Variants in RCAN1 observed in about 807,000 individuals in gnomAD.
RCAN1 encodes the protein regulator of calcineurin 1.
RCAN1 carries 11 observed loss-of-function variants against 22.9 expected under a neutral mutation model. The observed-to-expected ratio is 0.48, with a 90% CI of 0.30 to 0.79. The LOEUF (loss-of-function observed/expected upper bound fraction) is 0.79. Among genes scored for constraint, RCAN1 ranks in the 30% least tolerant of loss-of-function variants. The pLI, the probability that RCAN1 is intolerant of heterozygous loss-of-function variation, is 0.06. For synonymous variants in RCAN1, 136 were observed against 142.3 expected (o/e 0.96, Z 0.32); for missense variants, 291 against 337.8 (o/e 0.86, Z 1.09).
At chr21:34,601,917 G>A (rs1274023282) in intron 1 of RCAN1, among the ~76,000 whole-genome samples, 1 of 151,598 alleles carries the variant, frequency 6.6e-6, no homozygotes, top group Non-Finnish European at 1.5e-5. Context: ...CACACTCACT[G>A]CACTCTCAGC....
At chr21:34,596,788 C>T (rs1988173383) in intron 1 of RCAN1, among the ~76,000 whole-genome samples, 1 of 152,198 alleles carries the variant, frequency 6.6e-6, no homozygotes, top group South Asian at 2.1e-4. Flanking sequence ...CTTGCGAGAA[C>T]CTTTGCACTG....
intron 1 of RCAN1, among the ~76,000 whole-genome samples, chr21:34,606,385 C>G (rs557128004): frequency 5.3e-5 from 8 of 152,302 alleles, no homozygotes; most frequent in African/African-American, 1.9e-4. Context: ...TCTTTACCTG[C>G]AACTGTCTTG....
intron 1 of RCAN1, among the ~76,000 whole-genome samples, chr21:34,600,951 A>G (rs1988317477): frequency 6.6e-6 from 1 of 152,218 alleles, no homozygotes; most frequent in East Asian, 1.9e-4. Context: ...TGTGTTCACA[A>G]ACACACATGC....
chr21:34,584,737 A>C (rs985994902), intron 1 of RCAN1, among the ~76,000 whole-genome samples: 3 of 152,248 alleles, frequency 2.0e-5, no homozygotes, highest in African/African-American at 7.2e-5. Context: ...AAACCATTGC[A>C]GAAGCGTGTA....
At position 34,526,785 on chromosome 21, in the gene RCAN1, G is replaced by A. The variant is rs202174818; in HGVS notation, c.253-3075C>T. 8.8e-4 allele frequency: 1,403 copies of A among 1,594,998 alleles called. 2 individuals are homozygous for A. The highest frequency in any genetic ancestry group is 1.1e-3 in the Non-Finnish European group (1,278 of 1,170,050). On this transcript the variant is annotated intron_variant, in intron 1 of 3. Coordinates refer to ENST00000313806, the MANE Select transcript of RCAN1 (RefSeq NM_004414.7). ...TACAGTGAAAGCGCTACAGACCCAC[G>A]CAGTCAAGCCCCTAGTGAGATTCCT...
intron 1 of RCAN1, among the ~76,000 whole-genome samples, chr21:34,526,296 A>C (rs754521797): frequency 2.6e-4 from 40 of 152,232 alleles, no homozygotes; most frequent in Non-Finnish European, 5.3e-4. Context: ...TCCTAAGACG[A>C]AATGAAATTA....
intron 1 of RCAN1, among the ~76,000 whole-genome samples, chr21:34,580,183 G>A (rs1987553620): frequency 7.2e-6 from 1 of 138,180 alleles, no homozygotes; most frequent in African/African-American, 2.6e-5. Flanking sequence ...GGGAAGTCAA[G>A]CCCAGCTTTA....
At chr21:34,560,942 G>C (rs6517245) in intron 1 of RCAN1, among the ~76,000 whole-genome samples, 142,002 of 152,246 alleles carry the variant, frequency 0.93, 66,356 homozygotes, top group African/African-American at 0.98. Context: ...TTGTAATCTC[G>C]ATAATCCCCA....
intron 1 of RCAN1, chr21:34,524,958 C>A: frequency 2.1e-6 from 3 of 1,435,726 alleles, no homozygotes; most frequent in South Asian, 2.9e-5. Context: ...TTTTGTGAAT[C>A]TTTTTACCAG....
intron 1 of RCAN1, among the ~76,000 whole-genome samples, chr21:34,585,206 G>T (rs1987749031): frequency 6.6e-6 from 1 of 152,032 alleles, no homozygotes. Flanking sequence ...AGCTCTAAGA[G>T]GCCTTTAAGG....
At chr21:34,602,863 C>A (rs1411804594) in intron 1 of RCAN1, among the ~76,000 whole-genome samples, 3 of 152,106 alleles carry the variant, frequency 2.0e-5, no homozygotes, top group Non-Finnish European at 4.4e-5. Flanking sequence ...ATATTCTTTT[C>A]ATAATAATGC....
intron 1 of RCAN1, among the ~76,000 whole-genome samples, chr21:34,552,961 A>G (rs1350554591): frequency 6.6e-6 from 1 of 152,200 alleles, no homozygotes; most frequent in Admixed American, 6.5e-5. Flanking sequence ...CTTTAATAGG[A>G]TGATAGAAGA....
chr21:34,521,256 G>A, intron 3 of RCAN1: 17 of 1,438,386 alleles, frequency 1.2e-5, no homozygotes, highest in Non-Finnish European at 1.5e-5. Flanking sequence ...CACTGCGGGG[G>A]GTGGAGGGGC....
intron 1 of RCAN1, 51 bp from the exon 2 acceptor site, chr21:34,523,761 C>T (rs776239158): frequency 1.4e-6 from 2 of 1,444,428 alleles, no homozygotes; most frequent in Middle Eastern, 1.9e-4. Context: ...CTGCATATGA[C>T]CCTTGACTAG....
In RCAN1 at chr21:34,560,303, G is replaced by A. The variant is rs111640225; in HGVS notation, c.253-36593C>T. ...ACACTGGGAGGGGCTAAAAGCTTCG[G>A]ACAGGTGGCTAATTCTAAAGTTCCT... On this transcript the variant is annotated intron_variant, in intron 1 of 3. Transcript: ENST00000313806. 14 of 152,330 alleles carry A rather than the reference G, an allele frequency of 9.2e-5. 1 individual carries two copies. The highest frequency in any genetic ancestry group is 3.1e-4 in the African/African-American group (13 of 41,572). The allele number at this position is 152,330 out of a possible 1,614,324, so 9.4% of individuals were successfully genotyped here.
Position 34,532,999 on chromosome 21 carries a change from C to T in RCAN1, c.253-9289G>A, listed in dbSNP as rs564235621. Reference sequence around the variant, plus strand: ...TTTTTGAGACGGAGTCTTGCTCTGTCGCCCAGGCTGGAGTGCAGTGGCACT... The same window carrying T: ...TTTTTGAGACGGAGTCTTGCTCTGTTGCCCAGGCTGGAGTGCAGTGGCACT... On this transcript the variant is annotated intron_variant, in intron 1 of 3. Coordinates refer to ENST00000313806, the MANE Select transcript of RCAN1 (RefSeq NM_004414.7). 3.0e-3 allele frequency among the ~76,000 whole-genome samples: 436 copies of T among 147,674 alleles called. 5 individuals carry two copies. Among genetic ancestry groups the T allele is most frequent in the Admixed American group, 0.017 (247 of 14,574 alleles).
chr21:34,592,255 C>T (rs1414292491), intron 1 of RCAN1, among the ~76,000 whole-genome samples: 3 of 152,246 alleles, frequency 2.0e-5, no homozygotes, highest in Non-Finnish European at 4.4e-5. Flanking sequence ...AGGCCACCCT[C>T]TGCCCTGGTC....
chr21:34,563,822 C>T (rs1167957355), intron 1 of RCAN1, among the ~76,000 whole-genome samples: 1 of 84,020 alleles, frequency 1.2e-5, no homozygotes. Flanking sequence ...GAGAGAGAGG[C>T]AGGCATGGTG....
At chr21:34,604,333 C>T (rs1452416042) in intron 1 of RCAN1, among the ~76,000 whole-genome samples, 2 of 152,068 alleles carry the variant, frequency 1.3e-5, no homozygotes, top group Non-Finnish European at 2.9e-5. Context: ...GGTTTTGCCA[C>T]GTTGGCCAGG....
Sources: allele counts gnomAD v4.1 joint callset (sites outside exome capture counted in the v4.1 genomes callset), GRCh38; gene constraint gnomAD v4.1.1; transcripts MANE v1.5; gene names NCBI Gene and HGNC (gene_info 2026-07-23, HGNC 2026-07-21).